Variants in NLGN4X observed in about 807,000 individuals in gnomAD.
NLGN4X encodes neuroligin-4, X-linked.
A neutral mutation model predicts 40.3 loss-of-function variants in NLGN4X; 3 were observed. The observed-to-expected ratio is 0.07, with a 90% CI of 0.03 to 0.19. NLGN4X has a LOEUF of 0.19. NLGN4X is among the 10% of genes least tolerant of loss of function. The pLI, the probability that NLGN4X is intolerant of heterozygous loss-of-function variation, is 1.00. For missense variants in NLGN4X, 382 were observed against 708.3 expected, an observed-to-expected ratio of 0.54 and a Z score of 5.23; for synonymous variants, 270 against 306.8, an observed-to-expected ratio of 0.88 and a Z score of 1.25.
intron 3 of NLGN4X, among the ~76,000 whole-genome samples, chrX:5,964,153 G>A (rs2034749832): frequency 9.0e-6 from 1 of 111,501 alleles, no homozygotes; most frequent in Non-Finnish European, 1.9e-5. Context: ...ACTATCAACA[G>A]GATGAAACAG....
chrX:6,128,790 C>T (rs1400870249), intron 2 of NLGN4X, among the ~76,000 whole-genome samples: 1 of 112,056 alleles, frequency 8.9e-6, no homozygotes, highest in Admixed American at 9.4e-5. Flanking sequence ...TGTAGCAAAC[C>T]TGCAAATCCG....
intron 1 of NLGN4X, among the ~76,000 whole-genome samples, chrX:6,212,867 A>T (rs1257198479): frequency 2.7e-5 from 3 of 112,227 alleles, no homozygotes; most frequent in Non-Finnish European, 5.6e-5. Context: ...AATAAGTCAC[A>T]GCAATGTAGC....
At chrX:6,220,147 T>C (rs1925526858) in intron 1 of NLGN4X, among the ~76,000 whole-genome samples, 1 of 111,545 alleles carries the variant, frequency 9.0e-6, no homozygotes, top group African/African-American at 3.3e-5. Flanking sequence ...TTCTAATATA[T>C]TTTAGTCTAA....
At chrX:6,073,731 G>GA (rs1212517898) in intron 2 of NLGN4X, among the ~76,000 whole-genome samples, 8 of 110,693 alleles carry the variant, frequency 7.2e-5, no homozygotes, top group Non-Finnish European at 1.1e-4. Context: ...GGCACAGAGT[G>GA]AAAAAAAGCA....
chrX:6,160,196 T>C (rs2040354854), intron 1 of NLGN4X, among the ~76,000 whole-genome samples: 1 of 112,371 alleles, frequency 8.9e-6, no homozygotes, highest in African/African-American at 3.2e-5. Flanking sequence ...TCAGGTGATG[T>C]ATACTCCATT....
intron 4 of NLGN4X, among the ~76,000 whole-genome samples, chrX:5,908,357 A>C (rs2032312958): frequency 9.0e-6 from 1 of 111,265 alleles, no homozygotes; most frequent in African/African-American, 3.3e-5. Flanking sequence ...TATGAATTAG[A>C]GAGAGGAGCG....
At chrX:6,217,760 C>G (rs963505378) in intron 1 of NLGN4X, among the ~76,000 whole-genome samples, 5 of 111,414 alleles carry the variant, frequency 4.5e-5, no homozygotes, top group East Asian at 2.8e-4. Context: ...TGGTATTTAA[C>G]TTCCATGTAA....
At chrX:5,969,224 G>A (rs1474340602) in intron 3 of NLGN4X, among the ~76,000 whole-genome samples, 1 of 110,985 alleles carries the variant, frequency 9.0e-6, no homozygotes, top group Non-Finnish European at 1.9e-5. Context: ...ACTACCATCA[G>A]AGTGAACAGG....
chrX:6,000,974 G>C (rs994883821), intron 3 of NLGN4X, among the ~76,000 whole-genome samples: 3 of 111,723 alleles, frequency 2.7e-5, no homozygotes, highest in Non-Finnish European at 5.6e-5. Context: ...GTTCAGCATG[G>C]CTGGGGAGTC....
At chrX:5,993,623 G>A (rs1296152697) in intron 3 of NLGN4X, among the ~76,000 whole-genome samples, 2 of 112,249 alleles carry the variant, frequency 1.8e-5, no homozygotes, top group Admixed American at 9.4e-5. Flanking sequence ...CTGTGGGGCT[G>A]GCCACACCAT....
intron 3 of NLGN4X, among the ~76,000 whole-genome samples, chrX:5,973,506 C>T (rs1182379820): frequency 5.3e-5 from 6 of 112,366 alleles, no homozygotes; most frequent in Middle Eastern, 4.6e-3. Flanking sequence ...CATCTATATA[C>T]ATTTAAAATA....
At chrX:6,155,353 T>C (rs1285693471) in intron 1 of NLGN4X, among the ~76,000 whole-genome samples, 1 of 112,221 alleles carries the variant, frequency 8.9e-6, no homozygotes, top group Non-Finnish European at 1.9e-5. Flanking sequence ...ACTGGGCTTG[T>C]ACAATAATCC....
chrX:6,114,234 T>C (rs2039219563), intron 2 of NLGN4X, among the ~76,000 whole-genome samples: 2 of 111,843 alleles, frequency 1.8e-5, no homozygotes, highest in African/African-American at 6.5e-5. Context: ...TAAATGGCTT[T>C]AGGCAAAAAA....
intron 2 of NLGN4X, among the ~76,000 whole-genome samples, chrX:6,107,368 A>G (rs2039052989): frequency 9.0e-6 from 1 of 111,115 alleles, no homozygotes; most frequent in Non-Finnish European, 1.9e-5. Flanking sequence ...CTCCCCAAGC[A>G]GCCTGGAGAG....
chrX:6,025,956 T>A (rs1441444221), intron 3 of NLGN4X, among the ~76,000 whole-genome samples: 1 of 109,190 alleles, frequency 9.2e-6, no homozygotes, highest in African/African-American at 3.3e-5. Context: ...GACAAGCAGA[T>A]TATATATTAA....
At position 5,944,505 on chromosome X, in the gene NLGN4X, C is replaced by T. The variant is rs769583478; in HGVS notation, c.626-35266G>A. On this transcript the variant is annotated intron_variant, in intron 3 of 5. Coordinates refer to ENST00000381095, the MANE Select transcript of NLGN4X (RefSeq NM_181332.3). ...TAAAAAAATAAAAATAAAAAGTAGC[C>T]TGACATGGTGGCATACCCCTGTATT... is the stretch of plus-strand genomic sequence containing the variant. Among the ~76,000 whole-genome samples the T allele has an allele frequency of 5.9e-4, 64 of 108,911 alleles. 1 individual carries two copies. The highest frequency in any genetic ancestry group is 2.1e-3 in the African/African-American group (64 of 29,876). The allele number at this position is 108,911 out of a possible 115,157, so 94.6% of individuals were successfully genotyped here. A position where few individuals can be genotyped will look rare whatever the true frequency, so the allele number is the denominator to read the frequency against.
intron 2 of NLGN4X, among the ~76,000 whole-genome samples, chrX:6,110,365 C>T (rs923130866): frequency 4.5e-5 from 5 of 110,864 alleles, no homozygotes; most frequent in African/African-American, 1.3e-4. Flanking sequence ...ACAGTAAGTA[C>T]CCCTTGCAAG....
chrX:6,014,624 C>T (rs1036791153), intron 3 of NLGN4X, among the ~76,000 whole-genome samples: 4 of 111,678 alleles, frequency 3.6e-5, no homozygotes, highest in African/African-American at 1.3e-4. Context: ...TCCAGAAAAT[C>T]GAACCCTGAG....
intron 3 of NLGN4X, among the ~76,000 whole-genome samples, chrX:6,005,416 T>C (rs1409287681): frequency 2.7e-5 from 3 of 111,476 alleles, no homozygotes; most frequent in Non-Finnish European, 5.6e-5. Context: ...TGGGGATGTG[T>C]CTCTGAGTGG....
Sources: gnomAD v4.1 joint callset for allele counts (sites outside exome capture counted in the v4.1 genomes callset) on GRCh38, gnomAD v4.1.1 for gene constraint, MANE v1.5 for transcripts, NCBI Gene and HGNC (gene_info 2026-07-23, HGNC 2026-07-21) for gene names.